BLOC1S5: variants seen among roughly 807,000 people sequenced by gnomAD.
BLOC1S5 encodes the protein biogenesis of lysosomal organelles complex 1 subunit 5, also known as biogenesis of lysosome-related organelles complex 1 subunit 5.
Under a neutral mutation model 24.3 loss-of-function variants are expected in BLOC1S5, and 27 were observed. The observed-to-expected ratio is 1.11, with a 90% CI of 0.82 to 1.53. The LOEUF is 1.53. Among genes scored for constraint, BLOC1S5 ranks in the 40% most tolerant of loss-of-function variants. BLOC1S5 has a pLI of 0.00. For missense variants in BLOC1S5, 239 were observed against 229.4 expected, an observed-to-expected ratio of 1.04 and a Z score of -0.27; for synonymous variants, 84 against 74.5, an observed-to-expected ratio of 1.13 and a Z score of -0.66.
chr6:8,043,681 G>A (rs9688623), intron 2 of BLOC1S5, among the ~76,000 whole-genome samples: 5,955 of 152,272 alleles, frequency 0.039, 370 homozygotes, highest in African/African-American at 0.13. Flanking sequence ...GTGTTTCATT[G>A]ACAGTAATGT....
chr6:8,050,131 A>G (rs910898992), intron 2 of BLOC1S5, among the ~76,000 whole-genome samples: 4 of 152,212 alleles, frequency 2.6e-5, no homozygotes, highest in African/African-American at 9.7e-5. Flanking sequence ...TATTGGTGCC[A>G]TATTTCCATC....
At chr6:8,061,853 G>T (rs1764525916) in intron 2 of BLOC1S5, among the ~76,000 whole-genome samples, 1 of 152,212 alleles carries the variant, frequency 6.6e-6, no homozygotes, top group Admixed American at 6.5e-5. Flanking sequence ...CACTGTCGCT[G>T]GAACATAGTA....
intron 4 of BLOC1S5, among the ~76,000 whole-genome samples, chr6:8,022,465 G>T (rs1046103698): frequency 1.3e-5 from 2 of 151,352 alleles, no homozygotes; most frequent in African/African-American, 4.8e-5. Context: ...CAGAGACATA[G>T]GAAAAACTAT....
intron 4 of BLOC1S5, among the ~76,000 whole-genome samples, chr6:8,022,488 G>A (rs1303634200): frequency 6.6e-6 from 1 of 151,488 alleles, no homozygotes; most frequent in Admixed American, 6.6e-5. Flanking sequence ...CCTTTGATAA[G>A]GAGTGTCAGT....
intron 2 of BLOC1S5, among the ~76,000 whole-genome samples, chr6:8,045,406 G>A (rs537879120): frequency 6.6e-6 from 1 of 152,336 alleles, no homozygotes; most frequent in East Asian, 1.9e-4. Context: ...GGGCAGTGCA[G>A]AAGGGAAATG....
intron 3 of BLOC1S5, among the ~76,000 whole-genome samples, chr6:8,035,346 T>A (rs4960374): frequency 1.3e-3 from 172 of 130,458 alleles, no homozygotes; most frequent in African/African-American, 4.4e-3. Context: ...AATAAAAATC[T>A]TTTTTTTTTT....
Position 8,015,611 on chromosome 6 carries a change from A to G in BLOC1S5, c.*38T>C. ...AATAGTTTTCAGGAGAGAGGTGAACATCTTCTCATTAGTTTGTGATTGTTG... is the reference window on the plus strand; with the variant it reads ...AATAGTTTTCAGGAGAGAGGTGAACGTCTTCTCATTAGTTTGTGATTGTTG... On this transcript the variant is annotated 3_prime_UTR_variant, in exon 5 of 5. Transcript: ENST00000397457. 1 of 1,583,304 alleles carries G rather than the reference A, an allele frequency of 6.3e-7. No individual in the cohort carries two copies. Among genetic ancestry groups the G allele is most frequent in the South Asian group, 1.2e-5 (1 of 85,740 alleles).
intron 2 of BLOC1S5, among the ~76,000 whole-genome samples, chr6:8,048,218 CT>C (rs1466347630): frequency 6.6e-6 from 1 of 152,210 alleles, no homozygotes; most frequent in Non-Finnish European, 1.5e-5. Context: ...TCAGACAAAA[CT>C]CTAGTATTTT....
At chr6:8,062,260 T>C (rs959370154) in intron 2 of BLOC1S5, among the ~76,000 whole-genome samples, 2 of 152,050 alleles carry the variant, frequency 1.3e-5, no homozygotes, top group Non-Finnish European at 2.9e-5. Context: ...TCCCTTTTTT[T>C]CCCCCACTAT....
chr6:8,015,551 C>G lies in BLOC1S5; in HGVS notation c.*98G>C. The G allele has an allele frequency of 2.4e-6, 3 of 1,231,036 alleles. No homozygotes were observed. In the African/African-American group the frequency reaches 4.5e-5, roughly 19 times the overall value. 76.3% of individuals were successfully genotyped at this position (1,231,036 alleles called of 1,614,324 possible). A position where few individuals can be genotyped will look rare whatever the true frequency, so the allele number is the denominator to read the frequency against. On this transcript the variant is annotated 3_prime_UTR_variant, in exon 5 of 5. Transcript: ENST00000397457. ...TATAAGAGTGCCACTGAATATATTG[C>G]TAAGCTTGAAGCAGAGGCTAAACGG...
intron 4 of BLOC1S5, among the ~76,000 whole-genome samples, chr6:8,016,135 G>A (rs532940293): frequency 2.4e-4 from 36 of 152,244 alleles, no homozygotes; most frequent in Middle Eastern, 6.8e-3. Context: ...AGACCAGCCT[G>A]GCCAACATGG....
intron 4 of BLOC1S5, among the ~76,000 whole-genome samples, chr6:8,025,294 A>G (rs1763066643): frequency 6.6e-6 from 1 of 152,208 alleles, no homozygotes; most frequent in Non-Finnish European, 1.5e-5. Flanking sequence ...TTAAAAATAT[A>G]TCTGCTGTCC....
intron 3 of BLOC1S5, among the ~76,000 whole-genome samples, chr6:8,037,321 T>A (rs1763520734): frequency 6.6e-6 from 1 of 152,228 alleles, no homozygotes; most frequent in South Asian, 2.1e-4. Flanking sequence ...AGCATTTATA[T>A]ATGCCAACAG....
chr6:8,026,474 A>C (rs1434198017), intron 3 of BLOC1S5, 49 bp from the exon 4 acceptor site: 2 of 1,453,642 alleles, frequency 1.4e-6, no homozygotes, highest in Non-Finnish European at 1.9e-6. Context: ...ATGTTCAAGG[A>C]AACACATACC....
chr6:8,038,705 T>C (rs967389881), intron 3 of BLOC1S5, among the ~76,000 whole-genome samples: 1 of 152,194 alleles, frequency 6.6e-6, no homozygotes, highest in Non-Finnish European at 1.5e-5. Context: ...AGGATGGTCT[T>C]GATCTCCTGA....
chr6:8,036,094 C>T (rs1763476439), intron 3 of BLOC1S5, among the ~76,000 whole-genome samples: 2 of 152,056 alleles, frequency 1.3e-5, no homozygotes, highest in African/African-American at 2.4e-5. Context: ...TTGGAAAATA[C>T]ACACACACAA....
Position 8,064,249 on chromosome 6 carries a change from C to T in BLOC1S5, c.112+16G>A, listed in dbSNP as rs1305691242. 3.1e-6 allele frequency: 5 copies of T among 1,605,572 alleles called. No individual in the cohort carries two copies. The highest frequency in any genetic ancestry group is 4.3e-6 in the Non-Finnish European group (5 of 1,174,170). On this transcript the variant is annotated intron_variant, in intron 1 of 4. Coordinates refer to ENST00000397457, the MANE Select transcript of BLOC1S5 (RefSeq NM_201280.3). ...TGCTGGGATCCACCAGGAACTATAG[C>T]CCTGACACTCCGTACCCTTGATAAT...
At chr6:8,047,566 A>G (rs1349524285) in intron 2 of BLOC1S5, among the ~76,000 whole-genome samples, 1 of 152,106 alleles carries the variant, frequency 6.6e-6, no homozygotes, top group African/African-American at 2.4e-5. Flanking sequence ...ATTGATTAAT[A>G]TGTTTCTTAA....
At chr6:8,016,508 C>T (rs1348074443) in intron 4 of BLOC1S5, among the ~76,000 whole-genome samples, 1 of 151,974 alleles carries the variant, frequency 6.6e-6, no homozygotes, top group Non-Finnish European at 1.5e-5. Flanking sequence ...AAATGTCTTA[C>T]ATAAAATATT....
Sources: allele counts gnomAD v4.1 joint callset (sites outside exome capture counted in the v4.1 genomes callset), GRCh38; gene constraint gnomAD v4.1.1; transcripts MANE v1.5; gene names NCBI Gene and HGNC (gene_info 2026-07-23, HGNC 2026-07-21).